CLVS1: variants seen among roughly 807,000 people sequenced by gnomAD.
CLVS1 encodes the protein clavesin 1.
In CLVS1, 10 loss-of-function variants were observed where a neutral mutation model predicts 33.1. The observed-to-expected ratio is 0.30, with a 90% CI of 0.19 to 0.51. The LOEUF is 0.51. Ranked by LOEUF, CLVS1 falls within the 20% of genes least tolerant of loss-of-function variation. The probability of loss-of-function intolerance (pLI) is 0.97; values close to 1 mark genes in which losing one functional copy is unlikely to be tolerated. For missense variants in CLVS1, 343 were observed against 433.4 expected (o/e 0.79, Z 1.85); for synonymous variants, 163 against 166.1 (o/e 0.98, Z 0.14).
chr8:61,406,227 T>A (rs1814979483), intron 3 of CLVS1, among the ~76,000 whole-genome samples: 1 of 152,232 alleles, frequency 6.6e-6, no homozygotes, highest in East Asian at 1.9e-4. Context: ...TCAATTTCCA[T>A]TACTTCTCCC....
chr8:61,481,059 G>T (rs1439279455), intron 5 of CLVS1, among the ~76,000 whole-genome samples: 1 of 152,132 alleles, frequency 6.6e-6, no homozygotes, highest in African/African-American at 2.4e-5. Context: ...TTAGAGGAAA[G>T]GAAAGGAAAC....
intron 3 of CLVS1, among the ~76,000 whole-genome samples, chr8:61,431,703 G>A (rs1816121471): frequency 6.6e-6 from 1 of 152,030 alleles, no homozygotes; most frequent in Non-Finnish European, 1.5e-5. Context: ...TGAAGGCAGG[G>A]ACTTTTTAAT....
At chr8:61,019,529 T>C in the CLVS1 span, among the ~76,000 whole-genome samples, 1 of 152,162 alleles carries the variant, frequency 6.6e-6, no homozygotes, top group Non-Finnish European at 1.5e-5. Flanking sequence ...AGCTCTAGAA[T>C]GTTCTAATTT....
chr8:61,228,338 T>C (rs1156242112), intron 2 of CLVS1, among the ~76,000 whole-genome samples: 1 of 152,194 alleles, frequency 6.6e-6, no homozygotes, highest in Admixed American at 6.5e-5. Context: ...TAAAATCTGC[T>C]CTCTTAGCAA....
Position 61,135,864 on chromosome 8 carries a change from T to A in CLVS1, c.-152+4004T>A, listed in dbSNP as rs1396345477. ...TGCATTCGCCTTGGTGACTACCATA[T>A]GTTAAAAGATGAAGCCTGTAGGATA... is the stretch of plus-strand genomic sequence containing the variant. On this transcript the variant is annotated intron_variant, in intron 2 of 2. Coordinates refer to the CLVS1 transcript ENST00000522621. 4.6e-5 allele frequency among the ~76,000 whole-genome samples: 7 copies of A among 152,290 alleles called. No homozygotes were observed. The South Asian group carries it at 1.5e-3, about 32-fold the overall frequency.
the CLVS1 span, among the ~76,000 whole-genome samples, chr8:61,037,490 C>T: frequency 6.6e-6 from 1 of 152,134 alleles, no homozygotes; most frequent in African/African-American, 2.4e-5. Flanking sequence ...CGCATAATAT[C>T]CCCTTGTATT....
At chr8:61,375,247 ATTTT>A (rs34479292) in intron 2 of CLVS1, among the ~76,000 whole-genome samples, 5 of 133,416 alleles carry the variant, frequency 3.7e-5, no homozygotes, top group African/African-American at 8.1e-5. Context: ...AGTGGCTTGC[ATTTT>A]TTTTTTTTTT....
At chr8:61,196,922 A>G (rs1351392342) in intron 2 of CLVS1, among the ~76,000 whole-genome samples, 1 of 152,196 alleles carries the variant, frequency 6.6e-6, no homozygotes, top group Admixed American at 6.5e-5. Flanking sequence ...ACCACTTTTA[A>G]AAATCACTTG....
intron 2 of CLVS1, among the ~76,000 whole-genome samples, chr8:61,225,278 A>G (rs552173370): frequency 7.2e-5 from 11 of 152,194 alleles, no homozygotes; most frequent in Non-Finnish European, 1.6e-4. Context: ...AGATAGTACC[A>G]TTATACTACA....
intron 2 of CLVS1, among the ~76,000 whole-genome samples, chr8:61,145,333 A>G (rs1239030267): frequency 6.6e-6 from 1 of 152,258 alleles, no homozygotes; most frequent in Non-Finnish European, 1.5e-5. Context: ...TACAGTAAAA[A>G]GACAAGAACC....
At chr8:61,072,941 CT>C (rs1216765125) in intron 1 of CLVS1, among the ~76,000 whole-genome samples, 1 of 152,154 alleles carries the variant, frequency 6.6e-6, no homozygotes, top group Non-Finnish European at 1.5e-5. Context: ...AATCTATAAT[CT>C]TTTTTTGTAT....
At chr8:61,370,862 T>A (rs144839255) in intron 2 of CLVS1, among the ~76,000 whole-genome samples, 11 of 152,194 alleles carry the variant, frequency 7.2e-5, no homozygotes, top group Non-Finnish European at 1.6e-4. Context: ...TGGGTAGTAT[T>A]CCATGGCATA....
At chr8:61,348,662 G>C (rs542174777) in intron 2 of CLVS1, among the ~76,000 whole-genome samples, 5 of 151,922 alleles carry the variant, frequency 3.3e-5, no homozygotes, top group Non-Finnish European at 5.9e-5. Flanking sequence ...TGGCTATTGC[G>C]AATATTGCCT....
chr8:61,441,520 G>A (rs1311043482), intron 3 of CLVS1, among the ~76,000 whole-genome samples: 3 of 152,166 alleles, frequency 2.0e-5, no homozygotes, highest in Non-Finnish European at 4.4e-5. Context: ...CAGCCAATGT[G>A]AAAGAAGCTT....
intron 2 of CLVS1, among the ~76,000 whole-genome samples, chr8:61,340,780 T>C (rs1812003386): frequency 6.6e-6 from 1 of 152,242 alleles, no homozygotes; most frequent in African/African-American, 2.4e-5. Flanking sequence ...ATGATGGCTG[T>C]ACCAGTGTTA....
At chr8:61,325,750 C>T (rs1171249319) in intron 2 of CLVS1, among the ~76,000 whole-genome samples, 2 of 152,088 alleles carry the variant, frequency 1.3e-5, no homozygotes, top group Admixed American at 6.6e-5. Context: ...TCTCATACAT[C>T]GATAATTGTT....
At chr8:61,209,092 A>G (rs1480845277) in intron 2 of CLVS1, among the ~76,000 whole-genome samples, 3 of 152,254 alleles carry the variant, frequency 2.0e-5, no homozygotes, top group African/African-American at 7.2e-5. Context: ...TTTAGAAGCT[A>G]TTTTAATAAA....
chr8:61,203,072 G>A, intron 2 of CLVS1: 3 of 1,305,468 alleles, frequency 2.3e-6, no homozygotes, highest in Non-Finnish European at 2.2e-6. Context: ...ACCTAGTTCT[G>A]TAAAAGACAT....
intron 5 of CLVS1, among the ~76,000 whole-genome samples, chr8:61,491,590 G>T (rs552173626): frequency 1.3e-5 from 2 of 152,258 alleles, no homozygotes; most frequent in South Asian, 4.1e-4. Context: ...ACTACATGTT[G>T]CAATAGCAAT....
Sources: gnomAD v4.1 joint callset for allele counts (sites outside exome capture counted in the v4.1 genomes callset) on GRCh38, gnomAD v4.1.1 for gene constraint, MANE v1.5 for transcripts, NCBI Gene and HGNC (gene_info 2026-07-23, HGNC 2026-07-21) for gene names.